Variants in GRID2 observed in about 807,000 individuals in gnomAD.
GRID2 encodes the protein glutamate receptor ionotropic, delta-2.
A neutral mutation model predicts 114.8 loss-of-function variants in GRID2; 33 were observed. The observed-to-expected ratio is 0.29, with a 90% CI of 0.22 to 0.38. The LOEUF (loss-of-function observed/expected upper bound fraction) is 0.38, where lower values mean the gene tolerates loss of function less well. Ranked by LOEUF, GRID2 falls within the 10% of genes least tolerant of loss-of-function variation. The pLI, the probability that GRID2 is intolerant of heterozygous loss-of-function variation, is 1.00. For synonymous variants in GRID2, 505 were observed against 449.9 expected, an observed-to-expected ratio of 1.12 and a Z score of -1.55; for missense variants, 1,184 against 1,257.7, an observed-to-expected ratio of 0.94 and a Z score of 0.89.
intron 2 of GRID2, among the ~76,000 whole-genome samples, chr4:92,968,632 G>A (rs1383857554): frequency 1.3e-5 from 2 of 151,658 alleles, no homozygotes; most frequent in Non-Finnish European, 2.9e-5. Flanking sequence ...TCATTCAATG[G>A]CTTTAATAGA....
chr4:92,653,947 AC>A (rs758668609), intron 2 of GRID2, among the ~76,000 whole-genome samples: 2 of 152,164 alleles, frequency 1.3e-5, no homozygotes, highest in Non-Finnish European at 2.9e-5. Context: ...ATACATGAGA[AC>A]TAATTTTAAG....
At chr4:93,266,054 A>T (rs1279993445) in intron 8 of GRID2, among the ~76,000 whole-genome samples, 1 of 152,118 alleles carries the variant, frequency 6.6e-6, no homozygotes, top group Non-Finnish European at 1.5e-5. Flanking sequence ...ATCACAGGGC[A>T]CACACACTCC....
chr4:92,888,124 G>C (rs1746502001), intron 2 of GRID2, among the ~76,000 whole-genome samples: 1 of 152,136 alleles, frequency 6.6e-6, no homozygotes, highest in African/African-American at 2.4e-5. Flanking sequence ...TGTTCAAAGA[G>C]AGAAGTTTAT....
intron 4 of GRID2, among the ~76,000 whole-genome samples, chr4:93,194,412 C>T (rs1157676052): frequency 6.6e-6 from 1 of 152,066 alleles, no homozygotes; most frequent in South Asian, 2.1e-4. Context: ...TTTCTCTTTA[C>T]AATAGGCTTG....
chr4:93,325,535 A>T (rs953633891), intron 8 of GRID2, among the ~76,000 whole-genome samples: 1 of 151,840 alleles, frequency 6.6e-6, no homozygotes, highest in African/African-American at 2.4e-5. Context: ...ATTTTACAAT[A>T]TAGATTATTA....
chr4:92,419,493 A>G (rs185541309), intron 1 of GRID2, among the ~76,000 whole-genome samples: 1 of 152,182 alleles, frequency 6.6e-6, no homozygotes, highest in Non-Finnish European at 1.5e-5. Context: ...TTTAAACAAC[A>G]TGAACATTAT....
rs530228175 is a variant in GRID2, at chr4:93,439,797, C to T, written c.1546-15865C>T. On this transcript the variant is annotated intron_variant, in intron 10 of 15. Transcript: ENST00000282020. ...AGAACCTGAGAATGTGATGAGTTGT[C>T]CCCTTTTCCACCCACACTGGAGAGG... 1.6e-3 allele frequency among the ~76,000 whole-genome samples: 237 copies of T among 152,074 alleles called. 1 individual carries two copies. The highest frequency in any genetic ancestry group is 2.4e-3 in the Non-Finnish European group (163 of 67,974).
intron 2 of GRID2, among the ~76,000 whole-genome samples, chr4:92,679,125 A>G (rs1351770664): frequency 6.6e-6 from 1 of 152,080 alleles, no homozygotes; most frequent in African/African-American, 2.4e-5. Context: ...CTGTTAAACC[A>G]TGGAAGGATC....
chr4:92,590,412 C>G, intron 2 of GRID2, 126 bp downstream of exon 2: 1 of 641,978 alleles, frequency 1.6e-6, no homozygotes, highest in Non-Finnish European at 2.7e-6. Context: ...CATTATTTTC[C>G]TTGGAGATCA....
At position 93,626,277 on chromosome 4, in the gene GRID2, T is replaced by C; in HGVS notation, c.2202T>C (p.Tyr734=). The C allele has an allele frequency of 6.3e-7, 1 of 1,588,040 alleles. No individual in the cohort carries two copies. The highest frequency in any genetic ancestry group is 8.6e-7 in the Non-Finnish European group (1 of 1,162,778). ...TCTTCATTTTTTCACAGGTAAAATA[T>C]GGAAATTATGCTTTCGTATGGGATG... is the stretch of plus-strand genomic sequence containing the variant. ...ESQAGIQKVK[Y]GNYAFVWDAA... Residue 734 remains tyrosine (Y), a synonymous_variant, in exon 14 of 16, where the codon TAT becomes TAC. Transcript: ENST00000282020.
intron 8 of GRID2, among the ~76,000 whole-genome samples, chr4:93,344,431 G>A (rs1037864972): frequency 1.3e-5 from 2 of 151,228 alleles, no homozygotes; most frequent in East Asian, 1.9e-4. Context: ...TCCCCCCTCA[G>A]CTTTATTAAG....
chr4:92,331,488 G>A (rs1347584501), intron 1 of GRID2, among the ~76,000 whole-genome samples: 2 of 152,144 alleles, frequency 1.3e-5, no homozygotes, highest in African/African-American at 2.4e-5. Context: ...TTCTTTTATT[G>A]AGGGTAAGCA....
chr4:93,053,863 A>G (rs1726961054), intron 2 of GRID2, among the ~76,000 whole-genome samples: 1 of 151,962 alleles, frequency 6.6e-6, no homozygotes. Flanking sequence ...TACCAAGATC[A>G]ATTAACAATA....
At chr4:92,663,889 C>T (rs1176234901) in intron 2 of GRID2, among the ~76,000 whole-genome samples, 2 of 151,184 alleles carry the variant, frequency 1.3e-5, no homozygotes, top group African/African-American at 4.8e-5. Flanking sequence ...TGGAATCATG[C>T]ATGATTTGTC....
intron 14 of GRID2, among the ~76,000 whole-genome samples, chr4:93,677,745 A>T (rs545566485): frequency 6.6e-6 from 1 of 152,280 alleles, no homozygotes; most frequent in Admixed American, 6.5e-5. Flanking sequence ...GAAAACTAAC[A>T]AACAGAAAGG....
intron 2 of GRID2, among the ~76,000 whole-genome samples, chr4:92,681,653 C>A (rs1733655651): frequency 6.6e-6 from 1 of 151,924 alleles, no homozygotes; most frequent in African/African-American, 2.4e-5. Flanking sequence ...AACAAACCTG[C>A]ACATTGTGCA....
At chr4:92,846,437 C>T (rs973368313) in intron 2 of GRID2, among the ~76,000 whole-genome samples, 5 of 152,066 alleles carry the variant, frequency 3.3e-5, no homozygotes, top group Non-Finnish European at 5.9e-5. Flanking sequence ...TTTTCTGTTC[C>T]TGCATTAATT....
chr4:92,505,377 C>G (rs1229288763), intron 1 of GRID2, among the ~76,000 whole-genome samples: 1 of 151,974 alleles, frequency 6.6e-6, no homozygotes, highest in African/African-American at 2.4e-5. Flanking sequence ...ATCAAGTGCT[C>G]CTAAATTATA....
chr4:93,422,837 A>C lies in GRID2; in HGVS notation c.1414A>C (p.Ile472Leu), dbSNP rs921812289. The C allele has an allele frequency of 6.2e-7, 1 of 1,613,610 alleles. No individual in the cohort carries two copies. ...GCCGAAGAAATACCAGGGCTTCTCC[A>C]TTGATGTTTTGGATGCCTTATCTAA... ...GKPKKYQGFSIDVLDALSNYL... is the reference protein window; with the variant it reads ...GKPKKYQGFSLDVLDALSNYL... The change falls in exon 10 of 16, where the codon ATT becomes CTT. Residue 472 changes from isoleucine to leucine, a missense_variant. Ile to Leu is a conservative substitution (Grantham distance 5). Transcript: ENST00000282020.
Sources: gnomAD v4.1 joint callset for allele counts (sites outside exome capture counted in the v4.1 genomes callset) on GRCh38, gnomAD v4.1.1 for gene constraint, MANE v1.5 for transcripts, NCBI Gene and HGNC (gene_info 2026-07-23, HGNC 2026-07-21) for gene names.